The following GSE1 variants were observed in gnomAD, a reference collection of about 807,000 sequenced individuals.
The protein encoded by GSE1 is Gse1 coiled-coil protein.
GSE1 carries 32 observed loss-of-function variants against 112.6 expected under a neutral mutation model. The observed-to-expected ratio is 0.28, with a 90% CI of 0.21 to 0.38. GSE1 has a LOEUF of 0.38. Ranked by LOEUF, GSE1 falls within the 10% of genes least tolerant of loss-of-function variation. The probability of loss-of-function intolerance (pLI) is 1.00; values close to 1 mark genes in which losing one functional copy is unlikely to be tolerated. For synonymous variants in GSE1, 1,115 were observed against 735.6 expected, an observed-to-expected ratio of 1.52 and a Z score of -8.35; for missense variants, 2,348 against 1,699.2, an observed-to-expected ratio of 1.38 and a Z score of -6.71.
chr16:85,341,775 C>T (rs887159799), intron 1 of GSE1, among the ~76,000 whole-genome samples: 2 of 151,760 alleles, frequency 1.3e-5, no homozygotes, highest in Non-Finnish European at 2.9e-5. Context: ...ACTGGGATTA[C>T]AGGTGTGAAC....
Position 85,343,802 on chromosome 16 carries a change from C to G in GSE1, c.2284-13661C>G, listed in dbSNP as rs867175640. On this transcript the variant is annotated intron_variant, in intron 1 of 2. Coordinates refer to the GSE1 transcript ENST00000637419. ...AAATCAAAATGATGTCTCTTCAGCT[C>G]GGAACATCCAGCAGGCTCCCCTCTC... 7.9e-5 allele frequency among the ~76,000 whole-genome samples: 12 copies of G among 152,282 alleles called. 1 individual carries two copies. The highest frequency in any genetic ancestry group is 4.1e-4 in the South Asian group (2 of 4,826).
intron 1 of GSE1, among the ~76,000 whole-genome samples, chr16:85,256,762 C>T (rs984722144): frequency 1.3e-5 from 2 of 152,238 alleles, no homozygotes; most frequent in Non-Finnish European, 2.9e-5. Context: ...GCCCTCTGGC[C>T]TCAGGACACA....
chr16:85,670,768 G>T, intron 14 of GSE1: 1 of 338,074 alleles, frequency 3.0e-6, no homozygotes, highest in Non-Finnish European at 5.4e-6. Context: ...TTAGGTCCTG[G>T]ATCCTTTGTC....
At chr16:85,264,625 C>T (rs914671684) in intron 1 of GSE1, among the ~76,000 whole-genome samples, 1 of 152,144 alleles carries the variant, frequency 6.6e-6, no homozygotes, top group African/African-American at 2.4e-5. Flanking sequence ...ACTCTGAGCT[C>T]GCATGAGATC....
At chr16:85,222,846 C>G (rs577587052) in intron 1 of GSE1, among the ~76,000 whole-genome samples, 83 of 152,300 alleles carry the variant, frequency 5.4e-4, no homozygotes, top group African/African-American at 1.9e-3. Flanking sequence ...AAGTTTGGAT[C>G]CATGCGGAGC....
chr16:85,555,349 C>G (rs1017010459), upstream of GSE1: 4 of 984,878 alleles, frequency 4.1e-6, no homozygotes, highest in Non-Finnish European at 4.8e-6. Flanking sequence ...CACCCCCTCT[C>G]TCTGAGTCAG....
At chr16:85,292,890 CT>C (rs2045263617) in intron 1 of GSE1, among the ~76,000 whole-genome samples, 1 of 152,218 alleles carries the variant, frequency 6.6e-6, no homozygotes, top group Non-Finnish European at 1.5e-5. Context: ...GACATTACCT[CT>C]TGTGATGAAT....
At chr16:85,491,547 C>T (rs1328250840) in intron 2 of GSE1, among the ~76,000 whole-genome samples, 3 of 152,056 alleles carry the variant, frequency 2.0e-5, no homozygotes, top group African/African-American at 7.2e-5. Flanking sequence ...GGTGCTGGGG[C>T]GCAGGGAGGC....
chr16:85,329,164 C>T (rs1208854408), intron 1 of GSE1, among the ~76,000 whole-genome samples: 1 of 152,186 alleles, frequency 6.6e-6, no homozygotes, highest in African/African-American at 2.4e-5. Context: ...TGGCATCAAA[C>T]CAAGCCCAGC....
At chr16:85,624,289 C>T (rs764167624) in intron 1 of GSE1, among the ~76,000 whole-genome samples, 2 of 152,206 alleles carry the variant, frequency 1.3e-5, no homozygotes, top group African/African-American at 4.8e-5. Context: ...GGAGGAAGGG[C>T]TCCCACAGGA....
intron 2 of GSE1, among the ~76,000 whole-genome samples, chr16:85,413,146 C>T (rs894435607): frequency 6.6e-6 from 1 of 152,220 alleles, no homozygotes; most frequent in African/African-American, 2.4e-5. Flanking sequence ...CTGTGTGTTT[C>T]CGCACACCCT....
At chr16:85,488,056 C>T (rs888444295) in intron 2 of GSE1, among the ~76,000 whole-genome samples, 4 of 151,458 alleles carry the variant, frequency 2.6e-5, no homozygotes, top group East Asian at 1.9e-4. Flanking sequence ...TCTGGGGGAA[C>T]GTCTTGGAGT....
At chr16:85,536,483 G>C (rs1480667603) in intron 2 of GSE1, among the ~76,000 whole-genome samples, 2 of 152,230 alleles carry the variant, frequency 1.3e-5, no homozygotes, top group African/African-American at 2.4e-5. Flanking sequence ...GTCCTTGCCT[G>C]TGTGGGCCGC....
intron 1 of GSE1, among the ~76,000 whole-genome samples, chr16:85,625,234 C>T (rs546570771): frequency 1.4e-4 from 21 of 152,332 alleles, no homozygotes; most frequent in African/African-American, 4.1e-4. Context: ...CCTGCTTCTC[C>T]GCACACACAG....
chr16:85,644,629 A>G (rs1249859422), intron 2 of GSE1, among the ~76,000 whole-genome samples: 1 of 152,168 alleles, frequency 6.6e-6, no homozygotes. Context: ...TTAGAGACGG[A>G]GAGCCAATGC....
At chr16:85,246,205 AC>A (rs1905656280) in intron 1 of GSE1, among the ~76,000 whole-genome samples, 2 of 64,658 alleles carry the variant, frequency 3.1e-5, no homozygotes, top group African/African-American at 1.1e-4. Context: ...GACCCTACAC[AC>A]ACACACACAC....
intron 1 of GSE1, among the ~76,000 whole-genome samples, chr16:85,579,731 C>T (rs1445480217): frequency 6.6e-6 from 1 of 152,218 alleles, no homozygotes; most frequent in Non-Finnish European, 1.5e-5. Context: ...GCTGAAAGTT[C>T]CTTTTCGGTC....
chr16:85,671,081 C>A lies in GSE1; in HGVS notation c.3502C>A (p.Leu1168Ile). 1.2e-6 allele frequency: 2 copies of A among 1,603,906 alleles called. No individual in the cohort carries two copies. Among genetic ancestry groups the A allele is most frequent in the Non-Finnish European group, 1.7e-6 (2 of 1,170,768 alleles). Residue 1168 changes from leucine (L) to isoleucine (I), a missense_variant, in exon 15 of 16, where the codon CTC (leucine) becomes ATC (isoleucine). Physicochemically the swap from Leu to Ile is conservative, Grantham distance 5. Coordinates refer to ENST00000253458, the MANE Select transcript of GSE1 (RefSeq NM_014615.5). ...CAGCCTCAGCCTGACGGCAGAGCAG[C>A]TCTCCCACAGCGTGGCGGTGAGTTG... is the stretch of plus-strand genomic sequence containing the variant. The part of the protein sequence containing the change: ...HYSLSLTAEQ[L>I]SHSVAELRSQ...
At chr16:85,365,443 G>T (rs1211671117) in intron 2 of GSE1, among the ~76,000 whole-genome samples, 1 of 152,214 alleles carries the variant, frequency 6.6e-6, no homozygotes, top group Non-Finnish European at 1.5e-5. Context: ...CTCCTCCCAG[G>T]TCAAGCTGGG....
Sources: allele counts gnomAD v4.1 joint callset (sites outside exome capture counted in the v4.1 genomes callset), GRCh38; gene constraint gnomAD v4.1.1; transcripts MANE v1.5; gene names NCBI Gene and HGNC (gene_info 2026-07-23, HGNC 2026-07-21).